ITPR1: variants seen among roughly 807,000 people sequenced by gnomAD.
ITPR1 encodes inositol 1,4,5-trisphosphate receptor type 1.
In ITPR1, 96 loss-of-function variants were observed where a neutral mutation model predicts 318.4. That is an observed-to-expected ratio of 0.30 (90% confidence interval 0.26 to 0.36). ITPR1 has a LOEUF of 0.36. Ranked by LOEUF, ITPR1 falls within the 10% of genes least tolerant of loss-of-function variation. The pLI is 1.00. For missense variants in ITPR1, 2,440 were observed against 3,460.2 expected (o/e 0.71, Z 7.40); for synonymous variants, 1,312 against 1,289.9 (o/e 1.02, Z -0.37).
intron 52 of ITPR1, among the ~76,000 whole-genome samples, chr3:4,789,440 A>T (rs909306901): frequency 1.3e-5 from 2 of 152,206 alleles, no homozygotes; most frequent in Non-Finnish European, 2.9e-5. Flanking sequence ...AATAAGAGGG[A>T]AAAAGATACC....
intron 4 of ITPR1, among the ~76,000 whole-genome samples, chr3:4,562,764 G>C (rs1217862468): frequency 1.3e-5 from 2 of 151,472 alleles, no homozygotes; most frequent in African/African-American, 4.9e-5. Context: ...GCAGTGCACT[G>C]TGCACCATGC....
chr3:4,583,062 C>G (rs565540576), intron 4 of ITPR1, among the ~76,000 whole-genome samples: 2 of 152,284 alleles, frequency 1.3e-5, no homozygotes, highest in African/African-American at 4.8e-5. Flanking sequence ...TGTACAAACT[C>G]TTGGCATATA....
intron 60 of ITPR1, 59 bp downstream of exon 60, chr3:4,818,301 A>C: frequency 2.2e-6 from 3 of 1,368,154 alleles, no homozygotes; most frequent in Non-Finnish European, 3.0e-6. Flanking sequence ...GCTCTGAGCA[A>C]GGCCCCAGCA....
At chr3:4,692,207 T>C (rs867635180) in intron 32 of ITPR1, among the ~76,000 whole-genome samples, 1 of 151,598 alleles carries the variant, frequency 6.6e-6, no homozygotes, top group Non-Finnish European at 1.5e-5. Context: ...CCTGAACCCC[T>C]TCACTGAAGG....
chr3:4,546,080 A>G (rs1428418183), intron 4 of ITPR1, among the ~76,000 whole-genome samples: 1 of 152,166 alleles, frequency 6.6e-6, no homozygotes, highest in Non-Finnish European at 1.5e-5. Flanking sequence ...GGGGGATTAA[A>G]GGAGATATGC....
chr3:4,578,203 T>A (rs1255879628), intron 4 of ITPR1, among the ~76,000 whole-genome samples: 1 of 152,248 alleles, frequency 6.6e-6, no homozygotes, highest in Non-Finnish European at 1.5e-5. Context: ...TGTTTCTTTT[T>A]AAAAATGGTT....
At chr3:4,629,949 G>A (rs902984) in intron 5 of ITPR1, among the ~76,000 whole-genome samples, 23,553 of 152,048 alleles carry the variant, frequency 0.15, 3,596 homozygotes, top group African/African-American at 0.4. Flanking sequence ...GAATTGCATC[G>A]TTATTTGAAT....
rs958340351 is a variant in ITPR1 at position 4,494,465 on chromosome 3, C to T, written c.-58C>T. 1 of 152,264 alleles carries T rather than the reference C, an allele frequency of 6.6e-6. No individual in the cohort carries two copies. The highest frequency in any genetic ancestry group is 1.9e-4 in the East Asian group (1 of 5,200). 9.4% of individuals were successfully genotyped at this position (152,264 alleles called of 1,614,324 possible). On this transcript the variant is annotated 5_prime_UTR_variant, in exon 2 of 62. Coordinates refer to ENST00000649015, the MANE Select transcript of ITPR1 (RefSeq NM_001378452.1). ...ACAGAGGAGCAGGATTTGCACCCCT[C>T]GCTGGGCTTGCTTTGGCAACAGAGT...
chr3:4,512,405 ACTTTTATTCCAT>A (rs1401316045), intron 2 of ITPR1, among the ~76,000 whole-genome samples: 3 of 152,184 alleles, frequency 2.0e-5, no homozygotes, highest in Non-Finnish European at 2.9e-5. Flanking sequence ...GTTCCTTCCA[ACTTTTATTCCAT>A]GATTCTGTGT....
chr3:4,720,845 G>A (rs1303678888), intron 40 of ITPR1, among the ~76,000 whole-genome samples: 2 of 152,054 alleles, frequency 1.3e-5, no homozygotes, highest in African/African-American at 4.8e-5. Context: ...ACCTTCAGGG[G>A]GCGTTCTCAT....
intron 37 of ITPR1, among the ~76,000 whole-genome samples, chr3:4,707,709 A>G (rs2094789792): frequency 6.6e-6 from 1 of 152,186 alleles, no homozygotes; most frequent in Admixed American, 6.5e-5. Context: ...GAGTGCACAT[A>G]AAACACATAG....
At position 4,683,429 on chromosome 3, in the gene ITPR1, A is replaced by G; in HGVS notation, c.3205A>G (p.Thr1069Ala). The change falls in exon 27 of 62, where the codon ACC (threonine) becomes GCC (alanine). Residue 1069 changes from threonine to alanine, a missense_variant. Transcript: ENST00000649015. The part of the protein sequence containing the change: ...PLDLDDHGGR[T>A]FLRVLLHLTM... ...GGACTTGGATGACCACGGCGGCAGA[A>G]CCTTTCTCCGTGTCCTGCTCCACTT... 6.2e-7 allele frequency: 1 copy of G among 1,613,932 alleles called. No individual in the cohort carries two copies. The highest frequency in any genetic ancestry group is 8.5e-7 in the Non-Finnish European group (1 of 1,179,868).
At chr3:4,701,620 C>A (rs1240104113) in intron 35 of ITPR1, among the ~76,000 whole-genome samples, 4 of 152,182 alleles carry the variant, frequency 2.6e-5, no homozygotes, top group Non-Finnish European at 5.9e-5. Context: ...GGAGGTTTGC[C>A]ATCAGAGACT....
rs376503958 is a variant in ITPR1 at position 4,663,202 on chromosome 3, A to G, written c.1550A>G (p.Lys517Arg). 5.0e-6 allele frequency: 8 copies of G among 1,611,076 alleles called. No individual in the cohort carries two copies. In the African/African-American group the frequency reaches 9.4e-5, roughly 19 times the overall value. ...QKLMREQNIL[K>R]QIFKLLQAPF... The stretch of plus-strand genomic sequence containing the variant: ...CTGATGAGAGAACAGAATATTCTCA[A>G]GCAGGTCGGTGAGATGTGGCGTACT... Residue 517 changes from lysine to arginine, a missense_variant, in exon 16 of 62, where the codon AAG becomes AGG. Transcript: ENST00000649015.
At chr3:4,557,489 C>T (rs190149510) in intron 4 of ITPR1, among the ~76,000 whole-genome samples, 126 of 152,212 alleles carry the variant, frequency 8.3e-4, no homozygotes, top group Middle Eastern at 6.8e-3. Flanking sequence ...ATTCACCACC[C>T]CCCACTTTTT....
At chr3:4,609,481 G>A (rs988148354) in intron 4 of ITPR1, among the ~76,000 whole-genome samples, 11 of 152,112 alleles carry the variant, frequency 7.2e-5, no homozygotes, top group East Asian at 1.9e-4. Context: ...TAGGGTGGGC[G>A]AAAGGGTCTC....
At chr3:4,540,651 G>T (rs1575464750) in intron 4 of ITPR1, among the ~76,000 whole-genome samples, 1 of 152,096 alleles carries the variant, frequency 6.6e-6, no homozygotes, top group Non-Finnish European at 1.5e-5. Context: ...ACAGTGGCTT[G>T]ATCTCGGCTT....
At chr3:4,659,177 G>A (rs1210915208) in intron 13 of ITPR1, among the ~76,000 whole-genome samples, 2 of 152,138 alleles carry the variant, frequency 1.3e-5, no homozygotes, top group East Asian at 1.9e-4. Flanking sequence ...ATGGCCCCTC[G>A]TGAAGTATTA....
chr3:4,654,718 T>G (rs1176530715), intron 12 of ITPR1, among the ~76,000 whole-genome samples: 2 of 152,168 alleles, frequency 1.3e-5, no homozygotes, highest in Admixed American at 1.3e-4. Flanking sequence ...GAAAAAGAAA[T>G]GGAGGGATTT....
Sources: gnomAD v4.1 joint callset for allele counts (sites outside exome capture counted in the v4.1 genomes callset) on GRCh38, gnomAD v4.1.1 for gene constraint, MANE v1.5 for transcripts, NCBI Gene and HGNC (gene_info 2026-07-23, HGNC 2026-07-21) for gene names.